Variants in ADAMTSL1 observed in about 807,000 individuals in gnomAD.
ADAMTSL1 encodes ADAMTS like 1.
ADAMTSL1 carries 126 observed loss-of-function variants against 201.8 expected under a neutral mutation model. The observed-to-expected ratio is 0.62, with a 90% CI of 0.54 to 0.72. The LOEUF is 0.72. Among genes scored for constraint, ADAMTSL1 ranks in the 30% least tolerant of loss-of-function variants. The pLI, the probability that ADAMTSL1 is intolerant of heterozygous loss-of-function variation, is 0.00. For synonymous variants in ADAMTSL1, 1,121 were observed against 903.4 expected (o/e 1.24, Z -4.32); for missense variants, 2,679 against 2,277.8 (o/e 1.18, Z -3.59).
intron 6 of ADAMTSL1, 52 bp downstream of exon 6, chr9:18,636,069 A>T (rs1236079210): frequency 2.8e-6 from 4 of 1,405,934 alleles, no homozygotes; most frequent in African/African-American, 3.0e-5. Flanking sequence ...AGTCATTATT[A>T]TTTATTTTGT....
intron 2 of ADAMTSL1, among the ~76,000 whole-genome samples, chr9:18,238,467 ACTGGGTGCCAGT>A (rs1335324523): frequency 1.3e-5 from 2 of 152,060 alleles, no homozygotes; most frequent in Non-Finnish European, 2.9e-5. Flanking sequence ...GGGGGTCATA[ACTGGGTGCCAGT>A]CTGTGTACTG....
chr9:18,724,698 A>T (rs1817759092), intron 15 of ADAMTSL1, among the ~76,000 whole-genome samples: 1 of 152,182 alleles, frequency 6.6e-6, no homozygotes, highest in African/African-American at 2.4e-5. Flanking sequence ...TTAAGTGTTT[A>T]TTATATAAAT....
At chr9:18,727,446 C>A (rs1038268698) in intron 15 of ADAMTSL1, among the ~76,000 whole-genome samples, 23 of 152,222 alleles carry the variant, frequency 1.5e-4, no homozygotes, top group African/African-American at 5.3e-4. Flanking sequence ...CTGTCATCCC[C>A]CTTGGTAAAT....
At chr9:18,584,016 T>C (rs1179356035) in intron 4 of ADAMTSL1, among the ~76,000 whole-genome samples, 2 of 152,198 alleles carry the variant, frequency 1.3e-5, no homozygotes, top group East Asian at 1.9e-4. Flanking sequence ...TTTGAGTTAA[T>C]GCTGAAATGA....
intron 4 of ADAMTSL1, among the ~76,000 whole-genome samples, chr9:18,581,460 A>G (rs1230349525): frequency 6.6e-6 from 1 of 152,196 alleles, no homozygotes; most frequent in Non-Finnish European, 1.5e-5. Flanking sequence ...CATCCTTCAC[A>G]TGTGACAAAT....
chr9:18,352,073 T>C (rs2133032655), intron 2 of ADAMTSL1, among the ~76,000 whole-genome samples: 1 of 152,296 alleles, frequency 6.6e-6, no homozygotes, highest in Non-Finnish European at 1.5e-5. Flanking sequence ...CTTTTTTTTT[T>C]AGTATCTTAA....
chr9:18,810,649 G>A (rs1823442200), intron 20 of ADAMTSL1, among the ~76,000 whole-genome samples: 1 of 152,098 alleles, frequency 6.6e-6, no homozygotes, highest in East Asian at 1.9e-4. Context: ...ATCTCATGGG[G>A]ACCCAACTTC....
At chr9:18,045,630 A>ATAT (rs1443268371) in intron 1 of ADAMTSL1, among the ~76,000 whole-genome samples, 1 of 152,148 alleles carries the variant, frequency 6.6e-6, no homozygotes, top group Non-Finnish European at 1.5e-5. Flanking sequence ...AAATTCTCAC[A>ATAT]TATAGTGATA....
intron 16 of ADAMTSL1, among the ~76,000 whole-genome samples, chr9:18,755,270 A>G (rs1182783255): frequency 6.6e-6 from 1 of 152,174 alleles, no homozygotes; most frequent in Non-Finnish European, 1.5e-5. Flanking sequence ...CGGCACCACT[A>G]ACCCATGCCA....
At chr9:18,817,060 T>C in intron 20 of ADAMTSL1, 49 bp from the exon 21 acceptor site, 1 of 1,596,058 alleles carries the variant, frequency 6.3e-7, no homozygotes, top group Non-Finnish European at 8.5e-7. Context: ...AGTGCCCCAA[T>C]TTCCACAGTC....
At chr9:18,267,637 G>T (rs1296836135) in intron 2 of ADAMTSL1, among the ~76,000 whole-genome samples, 1 of 151,980 alleles carries the variant, frequency 6.6e-6, no homozygotes, top group Admixed American at 6.6e-5. Flanking sequence ...CTATTGATAA[G>T]TGTTCTAATT....
At chr9:18,754,869 C>G (rs184701286) in intron 16 of ADAMTSL1, among the ~76,000 whole-genome samples, 2 of 152,236 alleles carry the variant, frequency 1.3e-5, no homozygotes, top group East Asian at 3.9e-4. Flanking sequence ...AAGAGGATGT[C>G]ATATATTTTG....
chr9:18,878,522 C>A (rs1828315382), intron 23 of ADAMTSL1, among the ~76,000 whole-genome samples: 1 of 152,206 alleles, frequency 6.6e-6, no homozygotes, highest in Non-Finnish European at 1.5e-5. Flanking sequence ...AATCTCAGCT[C>A]CTGGTAAGGT....
intron 21 of ADAMTSL1, among the ~76,000 whole-genome samples, chr9:18,825,960 C>G (rs374930234): frequency 6.6e-6 from 1 of 152,204 alleles, no homozygotes; most frequent in Non-Finnish European, 1.5e-5. Flanking sequence ...GCAAGCCCCC[C>G]CTGCCAGCTT....
In ADAMTSL1 at chr9:18,903,054, A is replaced by C. The variant is rs190136320; in HGVS notation, c.4852-2728A>C. On this transcript the variant is annotated intron_variant, in intron 26 of 28. Coordinates refer to ENST00000380548, the MANE Select transcript of ADAMTSL1 (RefSeq NM_001040272.6). ...ACCCCATCTCTACTAAAAATACAAAAATTAGCCAGGTGTGTTGGTGGGTGC... is the reference window on the plus strand; with the variant it reads ...ACCCCATCTCTACTAAAAATACAAACATTAGCCAGGTGTGTTGGTGGGTGC... Among the ~76,000 whole-genome samples, 474 of 152,124 alleles carry C rather than the reference A, an allele frequency of 3.1e-3. 2 individuals are homozygous for C. The highest frequency in any genetic ancestry group is 0.011 in the African/African-American group (460 of 41,490).
chr9:18,372,502 G>A (rs1204728830), intron 2 of ADAMTSL1, among the ~76,000 whole-genome samples: 1 of 152,124 alleles, frequency 6.6e-6, no homozygotes, highest in African/African-American at 2.4e-5. Flanking sequence ...AGAAGGAGGG[G>A]ACAGAGGCTT....
At chr9:18,524,816 T>A (rs1379979707) in intron 2 of ADAMTSL1, among the ~76,000 whole-genome samples, 4 of 152,182 alleles carry the variant, frequency 2.6e-5, no homozygotes, top group Non-Finnish European at 4.4e-5. Flanking sequence ...GGACAAGCTT[T>A]TTGATGTGCT....
At chr9:18,743,083 C>G (rs1179401532) in intron 15 of ADAMTSL1, among the ~76,000 whole-genome samples, 4 of 152,162 alleles carry the variant, frequency 2.6e-5, no homozygotes, top group Admixed American at 2.0e-4. Flanking sequence ...TTATAACAGC[C>G]AGCAGGAATT....
At chr9:18,112,724 A>G (rs1278794409) in intron 1 of ADAMTSL1, among the ~76,000 whole-genome samples, 1 of 152,132 alleles carries the variant, frequency 6.6e-6, no homozygotes, top group Non-Finnish European at 1.5e-5. Context: ...TTTGGTAGAC[A>G]TTTGTGGGGA....
Sources: gnomAD v4.1 joint callset for allele counts (sites outside exome capture counted in the v4.1 genomes callset) on GRCh38, gnomAD v4.1.1 for gene constraint, MANE v1.5 for transcripts, NCBI Gene and HGNC (gene_info 2026-07-23, HGNC 2026-07-21) for gene names.